FAM83E: variants seen among roughly 807,000 people sequenced by gnomAD.
The protein encoded by FAM83E is protein FAM83E.
Under a neutral mutation model 34.3 loss-of-function variants are expected in FAM83E, and 29 were observed. The observed-to-expected ratio is 0.85, with a 90% CI of 0.63 to 1.15. The LOEUF (loss-of-function observed/expected upper bound fraction) is 1.15. Among genes scored for constraint, FAM83E ranks in the 50% most tolerant of loss-of-function variants. FAM83E has a pLI of 0.00. For synonymous variants in FAM83E, 312 were observed against 311.6 expected, an observed-to-expected ratio of 1.00 and a Z score of -0.01; for missense variants, 697 against 685.0, an observed-to-expected ratio of 1.02 and a Z score of -0.20.
intron 6 of FAM83E, among the ~76,000 whole-genome samples, chr19:48,602,825 T>TTTATTATTATTATTATTA (rs201384936): frequency 2.6e-5 from 3 of 114,000 alleles, no homozygotes. Flanking sequence ...TTATTTATTG[T>TTTATTATTATTATTATTA]TTATTATTAT....
At chr19:48,612,701 C>T (rs938879307) in intron 3 of FAM83E, among the ~76,000 whole-genome samples, 2 of 152,092 alleles carry the variant, frequency 1.3e-5, no homozygotes, top group African/African-American at 4.8e-5. Flanking sequence ...CGCGCCCGGC[C>T]GGGCCCCCCT....
rs560932782 is a variant in FAM83E at position 48,600,085 on chromosome 19, C to T, written c.*1024G>A. Among the ~76,000 whole-genome samples the T allele has an allele frequency of 7.9e-3, 1,209 of 152,292 alleles. 11 individuals carry two copies. Among genetic ancestry groups the T allele is most frequent in the Non-Finnish European group, 0.01 (697 of 68,030 alleles). On this transcript the variant is annotated 3_prime_UTR_variant, in exon 7 of 7. Transcript: ENST00000263266. ...TCCCCTGTGGCTGTACCACATTCCACTCCCTCAGTATTCAGCTCCTTGCCT... is the reference window on the plus strand; with the variant it reads ...TCCCCTGTGGCTGTACCACATTCCATTCCCTCAGTATTCAGCTCCTTGCCT...
chr19:48,609,265 C>CTTTTTTTTTTTTTTTTTTTTT (rs869031073), intron 5 of FAM83E, among the ~76,000 whole-genome samples: 1 of 99,692 alleles, frequency 1.0e-5, no homozygotes, highest in Non-Finnish European at 1.9e-5. Flanking sequence ...TTCTTTCTTT[C>CTTTTTTTTTTTTTTTTTTTTT]TTTTTTTTTT....
rs906548329 is a variant in FAM83E, at chr19:48,600,263, G to A, written c.*846C>T. ...GCTGTGTGTGTCTTCTTTAGGATCCGCTGCCTGGGGACGCTGCCAGCCCAT... is the reference window on the plus strand; with the variant it reads ...GCTGTGTGTGTCTTCTTTAGGATCCACTGCCTGGGGACGCTGCCAGCCCAT... On this transcript the variant is annotated 3_prime_UTR_variant, in exon 7 of 7. Coordinates refer to ENST00000263266, the MANE Select transcript of FAM83E (RefSeq NM_017708.4). Among the ~76,000 whole-genome samples, 10 of 152,322 alleles carry A rather than the reference G, an allele frequency of 6.6e-5. No homozygotes were observed. Among genetic ancestry groups the A allele is most frequent in the African/African-American group, 1.9e-4 (8 of 41,572 alleles).
At position 48,613,567 on chromosome 19, in the gene FAM83E, C is replaced by T. The variant is rs1974091362; in HGVS notation, c.-195G>A. ...CCCTGCCACACTGTTCTGACAATCA[C>T]GCTGCCCAAATAAGCGACCATCCAA... On this transcript the variant is annotated 5_prime_UTR_variant, in exon 3 of 7. The change creates a new upstream start codon in the 5' untranslated region. Coordinates refer to ENST00000263266, the MANE Select transcript of FAM83E (RefSeq NM_017708.4). 5.0e-6 allele frequency: 7 copies of T among 1,406,954 alleles called. No individual in the cohort carries two copies. The highest frequency in any genetic ancestry group is 1.4e-5 in the African/African-American group (1 of 69,266). 87.2% of individuals were successfully genotyped at this position (1,406,954 alleles called of 1,614,324 possible).
At chr19:48,607,324 G>C in intron 5 of FAM83E, 3 of 1,595,120 alleles carry the variant, frequency 1.9e-6, no homozygotes, top group Non-Finnish European at 2.6e-6. Context: ...ACTGGGGCTG[G>C]GTATGCTGCT....
chr19:48,609,743 A>C, intron 5 of FAM83E, 133 bp downstream of exon 5: 3 of 1,000,826 alleles, frequency 3.0e-6, no homozygotes, highest in Non-Finnish European at 4.5e-6. Flanking sequence ...TCCGCAGGGA[A>C]GAGTGTTTTG....
In FAM83E at chr19:48,614,438, ACCCGGACGCTTCTT is replaced by A. The variant is rs1171142389; in HGVS notation, c.-1080_-1067del. The A allele has an allele frequency of 1.1e-5, 11 of 985,158 alleles. No individual in the cohort carries two copies. In the East Asian group the frequency reaches 6.8e-4, roughly 61 times the overall value. 61.0% of individuals were successfully genotyped at this position (985,158 alleles called of 1,614,324 possible). A position where few individuals can be genotyped will look rare whatever the true frequency, so the allele number is the denominator to read the frequency against. The stretch of plus-strand genomic sequence containing the variant: ...GCCTAAATGCTATCTCCTGCCAGCT[ACCCGGACGCTTCTT>A]CCCGGACAGGGGCCAGTCTCTATCT... On this transcript the variant is annotated 5_prime_UTR_variant, in exon 3 of 7. Transcript: ENST00000263266.
Position 48,614,717 on chromosome 19 carries a change from CT to C in FAM83E, c.-1266del, listed in dbSNP as rs1974116367. The C allele has an allele frequency of 1.0e-6, 1 of 985,324 alleles. No homozygotes were observed. The highest frequency in any genetic ancestry group is 1.2e-6 in the Non-Finnish European group (1 of 829,978). The allele number at this position is 985,324 out of a possible 1,614,324, so 61.0% of individuals were successfully genotyped here. On this transcript the variant is annotated 5_prime_UTR_variant, in exon 2 of 7. Transcript: ENST00000263266. ...CATCGCCGGGGCTCACCCACACCGG[CT>C]AGTGCCGGGCTCAATGGCCTCCCTT... is the stretch of plus-strand genomic sequence containing the variant.
At chr19:48,602,141 C>CAAAAAAAAAAAAA (rs35272146) in intron 6 of FAM83E, among the ~76,000 whole-genome samples, 2 of 41,560 alleles carry the variant, frequency 4.8e-5, no homozygotes, top group Non-Finnish European at 8.0e-5. Flanking sequence ...GACCCTATCT[C>CAAAAAAAAAAAAA]AAAAAAAAAA....
intron 5 of FAM83E, chr19:48,607,301 C>T (rs1274576432): frequency 6.3e-7 from 1 of 1,597,836 alleles, no homozygotes; most frequent in Non-Finnish European, 8.5e-7. Context: ...GTGGGGGCCA[C>T]CACCAGCCTG....
chr19:48,611,166 T>TTG (rs1568421519), intron 3 of FAM83E, among the ~76,000 whole-genome samples: 53 of 120,142 alleles, frequency 4.4e-4, no homozygotes, highest in South Asian at 3.4e-3. Context: ...TGTTGTTGTT[T>TTG]TTTGTTGTTT....
chr19:48,609,709 G>A (rs1307241986), intron 5 of FAM83E, among the ~76,000 whole-genome samples, 167 bp downstream of exon 5: 5 of 152,174 alleles, frequency 3.3e-5, no homozygotes, highest in Non-Finnish European at 5.9e-5. Flanking sequence ...GCCAGCACCA[G>A]GTCCGGCCGC....
intron 5 of FAM83E, chr19:48,606,845 G>A (rs1472775838): frequency 8.6e-7 from 1 of 1,156,090 alleles, no homozygotes; most frequent in Non-Finnish European, 1.2e-6. Flanking sequence ...TCCAGGCGCT[G>A]ACCCTGGGAG....
chr19:48,604,520 T>TG (rs1191471377), intron 5 of FAM83E, among the ~76,000 whole-genome samples: 3 of 150,178 alleles, frequency 2.0e-5, no homozygotes, highest in African/African-American at 7.3e-5. Flanking sequence ...TTAGTAGAGA[T>TG]GGGGTTTCAC....
At chr19:48,607,284 CCAGA>C (rs1301857393) in intron 5 of FAM83E, 3 of 1,600,652 alleles carry the variant, frequency 1.9e-6, no homozygotes, top group South Asian at 1.1e-5. Context: ...CCCCGAGCAG[CCAGA>C]CAGTGGGGGC....
chr19:48,613,506 G>A lies in FAM83E; in HGVS notation c.-134C>T. On this transcript the variant is annotated 5_prime_UTR_variant, in exon 3 of 7. Coordinates refer to ENST00000263266, the MANE Select transcript of FAM83E (RefSeq NM_017708.4). ...CGTGGCCATCCGAGGCCTCCGGCGG[G>A]GCCCTGCAGATGTCCAAATGGCTCC... is the stretch of plus-strand genomic sequence containing the variant. The A allele has an allele frequency of 7.0e-7, 1 of 1,427,798 alleles. No individual in the cohort carries two copies. The highest frequency in any genetic ancestry group is 9.1e-7 in the Non-Finnish European group (1 of 1,095,356). 88.4% of individuals were successfully genotyped at this position (1,427,798 alleles called of 1,614,324 possible).
Position 48,602,776 on chromosome 19 carries a change from GATGTCACAAAATAAATAA to G in FAM83E, c.1176+700_1176+717del, listed in dbSNP as rs562855647. Among the ~76,000 whole-genome samples the G allele has an allele frequency of 2.8e-5, 3 of 107,926 alleles. No individual in the cohort carries two copies. The Admixed American group carries it at 3.5e-4, about 12-fold the overall frequency. The allele number at this position is 107,926 out of a possible 152,430, so 70.8% of individuals were successfully genotyped here. A position where few individuals can be genotyped will look rare whatever the true frequency, so the allele number is the denominator to read the frequency against. The stretch of plus-strand genomic sequence containing the variant: ...ATAGCTTTCTTTGGCCTGGGATGAG[GATGTCACAAAATAAATAA>G]ATTCCACTTCAGGAATGTATTTATT... On this transcript the variant is annotated intron_variant, in intron 6 of 6. Transcript: ENST00000263266.
At position 48,614,316 on chromosome 19, in the gene FAM83E, C is replaced by T; in HGVS notation, c.-944G>A. 6 of 985,692 alleles carry T rather than the reference C, an allele frequency of 6.1e-6. No individual in the cohort carries two copies. Among genetic ancestry groups the T allele is most frequent in the Non-Finnish European group, 7.2e-6 (6 of 830,164 alleles). 61.1% of individuals were successfully genotyped at this position (985,692 alleles called of 1,614,324 possible). Reference sequence around the variant, plus strand: ...CACCTAACCAGCCACCCTCCTCAGGCTGGCTGCCCCTGCCTGGGGCCTGGC... The same window carrying T: ...CACCTAACCAGCCACCCTCCTCAGGTTGGCTGCCCCTGCCTGGGGCCTGGC... On this transcript the variant is annotated 5_prime_UTR_variant, in exon 3 of 7. Transcript: ENST00000263266.
Sources: gnomAD v4.1 joint callset for allele counts (sites outside exome capture counted in the v4.1 genomes callset) on GRCh38, gnomAD v4.1.1 for gene constraint, MANE v1.5 for transcripts, NCBI Gene and HGNC (gene_info 2026-07-23, HGNC 2026-07-21) for gene names.